KIF13A: variants seen among roughly 807,000 people sequenced by gnomAD.
KIF13A encodes kinesin family member 13A.
A neutral mutation model predicts 212.2 loss-of-function variants in KIF13A; 79 were observed. The observed-to-expected ratio is 0.37, with a 90% confidence interval of 0.31 to 0.45. The LOEUF (loss-of-function observed/expected upper bound fraction) is 0.45, where lower values mean the gene tolerates loss of function less well. KIF13A is among the 20% of genes least tolerant of loss of function. The pLI, the probability that KIF13A is intolerant of heterozygous loss-of-function variation, is 1.00. For missense variants in KIF13A, 1,901 were observed against 2,209.0 expected, an observed-to-expected ratio of 0.86 and a Z score of 2.79; for synonymous variants, 789 against 808.6, an observed-to-expected ratio of 0.98 and a Z score of 0.41.
chr6:17,846,604 T>TAAA (rs11431431), intron 9 of KIF13A, among the ~76,000 whole-genome samples: 196 of 127,006 alleles, frequency 1.5e-3, no homozygotes, highest in African/African-American at 5.1e-3. Flanking sequence ...CCCATTTCTT[T>TAAA]AAAAAAAAAA....
At chr6:17,819,391 T>C (rs1028977143) in intron 16 of KIF13A, among the ~76,000 whole-genome samples, 1 of 151,932 alleles carries the variant, frequency 6.6e-6, no homozygotes, top group Non-Finnish European at 1.5e-5. Context: ...GATGAGACCC[T>C]ATCTCTACTA....
chr6:17,798,791 A>G (rs1014696483), intron 22 of KIF13A, among the ~76,000 whole-genome samples: 2 of 152,216 alleles, frequency 1.3e-5, no homozygotes, highest in Non-Finnish European at 2.9e-5. Flanking sequence ...GAGAAACTCT[A>G]TATGAAACAT....
At chr6:17,831,032 C>G (rs1349481233) in intron 13 of KIF13A, 69 bp downstream of exon 13, 2 of 1,431,108 alleles carry the variant, frequency 1.4e-6, no homozygotes, top group Non-Finnish European at 1.9e-6. Flanking sequence ...CAGAGACAGG[C>G]ACCCAGATTC....
At chr6:17,946,700 A>AC (rs1777429672) in intron 2 of KIF13A, among the ~76,000 whole-genome samples, 1 of 152,256 alleles carries the variant, frequency 6.6e-6, no homozygotes, top group South Asian at 2.1e-4. Flanking sequence ...TTTTACATGC[A>AC]CATAGTAAAG....
chr6:17,974,770 C>A (rs997799086), intron 2 of KIF13A, among the ~76,000 whole-genome samples: 7 of 152,180 alleles, frequency 4.6e-5, no homozygotes, highest in African/African-American at 1.2e-4. Context: ...TTCTGTGGTG[C>A]AGCTAAGGTT....
Position 17,855,393 on chromosome 6 carries a change from T to C in KIF13A, c.494+44A>G. The stretch of plus-strand genomic sequence containing the variant: ...ATTTTAACTTTAGAATCATTTAAAA[T>C]TATCTCCCCCTATTAACACACTTAA... On this transcript the variant is annotated intron_variant, in intron 6 of 38. Coordinates refer to ENST00000259711, the MANE Select transcript of KIF13A (RefSeq NM_022113.6). This position sits in a 1 kb window ranked among gnomAD's most constrained non-coding sequence, Gnocchi z 4.1. The C allele has an allele frequency of 7.1e-7, 1 of 1,402,404 alleles. No homozygotes were observed. The allele number at this position is 1,402,404 out of a possible 1,614,324, so 86.9% of individuals were successfully genotyped here. A position where few individuals can be genotyped will look rare whatever the true frequency, so the allele number is the denominator to read the frequency against.
chr6:17,868,026 GCAGATGTA>G (rs1769586935), intron 4 of KIF13A, among the ~76,000 whole-genome samples: 1 of 152,176 alleles, frequency 6.6e-6, no homozygotes, highest in Non-Finnish European at 1.5e-5. Flanking sequence ...AGAATAAGAG[GCAGATGTA>G]CAACCTTTCT....
chr6:17,858,732 A>G (rs1768402731), intron 4 of KIF13A, among the ~76,000 whole-genome samples: 1 of 152,232 alleles, frequency 6.6e-6, no homozygotes, highest in African/African-American at 2.4e-5. Context: ...AAAGCAATAC[A>G]TTCTTGGCAC....
In KIF13A at chr6:17,897,348, T is replaced by C. The variant is rs933065541; in HGVS notation, c.159+820A>G. Among the ~76,000 whole-genome samples the C allele has an allele frequency of 2.0e-5, 3 of 152,202 alleles. No homozygotes were observed. Among genetic ancestry groups the C allele is most frequent in the Admixed American group, 2.0e-4 (3 of 15,280 alleles). ...CTAATCCTATCTCAAGAACCACAGC[T>C]ATAATCAGTATCACTGGCCAGGGGC... On this transcript the variant is annotated intron_variant, in intron 3 of 38. Transcript: ENST00000259711. This position sits in a 1 kb window ranked among gnomAD's most constrained non-coding sequence, Gnocchi z 4.8.
chr6:17,837,172 T>A lies in KIF13A; in HGVS notation c.943-82A>T. 1 of 1,185,130 alleles carries A rather than the reference T, an allele frequency of 8.4e-7. No homozygotes were observed. Among genetic ancestry groups the A allele is most frequent in the Admixed American group, 1.9e-5 (1 of 53,656 alleles). The allele number at this position is 1,185,130 out of a possible 1,614,324, so 73.4% of individuals were successfully genotyped here. A position where few individuals can be genotyped will look rare whatever the true frequency, so the allele number is the denominator to read the frequency against. ...ATAAAAGCACTAAATGTGTTAGGTA[T>A]GACATTATTCTCTATGAAGGAAACA... On this transcript the variant is annotated intron_variant, in intron 10 of 38. Transcript: ENST00000259711. This position sits in a 1 kb window ranked among gnomAD's most constrained non-coding sequence, Gnocchi z 5.4.
chr6:17,789,765 T>C lies in KIF13A; in HGVS notation c.3261+107A>G. Reference sequence around the variant, plus strand: ...TCAAAAGCAAGTGAAAAACTGCATATTCTCGCTCTAGGGCCCTCCTTCCTC... The same window carrying C: ...TCAAAAGCAAGTGAAAAACTGCATACTCTCGCTCTAGGGCCCTCCTTCCTC... On this transcript the variant is annotated intron_variant, in intron 26 of 38. Coordinates refer to ENST00000259711, the MANE Select transcript of KIF13A (RefSeq NM_022113.6). The surrounding 1 kb of genome is among the most constrained non-coding windows in gnomAD (Gnocchi z 4.8). The C allele has an allele frequency of 1.2e-6, 1 of 802,998 alleles. No homozygotes were observed. Among genetic ancestry groups the C allele is most frequent in the South Asian group, 1.7e-5 (1 of 58,728 alleles). 49.7% of individuals were successfully genotyped at this position (802,998 alleles called of 1,614,324 possible). A position where few individuals can be genotyped will look rare whatever the true frequency, so the allele number is the denominator to read the frequency against.
At position 17,934,056 on chromosome 6, in the gene KIF13A, G is replaced by A. The variant is rs1776242296; in HGVS notation, c.147-35876C>T. ...TATAACTCAATTCAATCTAAATTGTGTCGTTAGGGTCAACTTTTATTTTTT... is the reference window on the plus strand; with the variant it reads ...TATAACTCAATTCAATCTAAATTGTATCGTTAGGGTCAACTTTTATTTTTT... On this transcript the variant is annotated intron_variant, in intron 2 of 38. Coordinates refer to ENST00000259711, the MANE Select transcript of KIF13A (RefSeq NM_022113.6). The surrounding 1 kb of genome is among the most constrained non-coding windows in gnomAD (Gnocchi z 5.4). Among the ~76,000 whole-genome samples, 1 of 152,168 alleles carries A rather than the reference G, an allele frequency of 6.6e-6. No homozygotes were observed. The highest frequency in any genetic ancestry group is 1.5e-5 in the Non-Finnish European group (1 of 68,042).
At chr6:17,781,060 A>AT in intron 30 of KIF13A, 117 bp downstream of exon 30, 2 of 1,429,928 alleles carry the variant, frequency 1.4e-6, no homozygotes, top group Non-Finnish European at 1.9e-6. Flanking sequence ...CAAATGTTCT[A>AT]TTTTTTAAAG....
At chr6:17,807,096 GT>G (rs1161476697) in intron 18 of KIF13A, among the ~76,000 whole-genome samples, 3 of 152,162 alleles carry the variant, frequency 2.0e-5, no homozygotes, top group Non-Finnish European at 2.9e-5. Context: ...TGATAACTGT[GT>G]TAACTATACA....
At chr6:17,929,632 C>T (rs1403459199) in intron 2 of KIF13A, among the ~76,000 whole-genome samples, 1 of 152,126 alleles carries the variant, frequency 6.6e-6, no homozygotes, top group Non-Finnish European at 1.5e-5. Context: ...GACCTCCTGA[C>T]CTCATGATCT....
intron 3 of KIF13A, among the ~76,000 whole-genome samples, chr6:17,884,976 C>T (rs967642885): frequency 1.8e-4 from 27 of 152,190 alleles, no homozygotes; most frequent in African/African-American, 6.5e-4. Context: ...TCACATTTCA[C>T]CACACCATGT....
chr6:17,764,332 G>T lies in KIF13A; in HGVS notation c.5196C>A (p.Asp1732Glu). The stretch of plus-strand genomic sequence containing the variant: ...CTCCCATAAATTCTGTGAAAGAATG[G>T]TCTTCAAGGATGTTGGTGGTGTGTT... Reference protein sequence around the residue: ...TVEHTTNILEDHSFTEFMGVS... With the variant: ...TVEHTTNILEEHSFTEFMGVS... The change falls in exon 39 of 39, where the codon GAC (aspartate) becomes GAA (glutamate). Residue 1732 changes from aspartate to glutamate, a missense_variant. Coordinates refer to ENST00000259711, the MANE Select transcript of KIF13A (RefSeq NM_022113.6). This position sits in a 1 kb window ranked among gnomAD's most constrained non-coding sequence, Gnocchi z 5.1. 1.2e-6 allele frequency: 2 copies of T among 1,614,002 alleles called. No individual in the cohort carries two copies. Among genetic ancestry groups the T allele is most frequent in the Non-Finnish European group, 1.7e-6 (2 of 1,179,896 alleles).
intron 33 of KIF13A, among the ~76,000 whole-genome samples, chr6:17,778,561 T>C (rs1005049886): frequency 1.3e-5 from 2 of 152,074 alleles, no homozygotes; most frequent in African/African-American, 4.8e-5. Flanking sequence ...TGCTTTGGAG[T>C]CAAGCTACTT....
rs533435563 is a variant in KIF13A at position 17,816,071 on chromosome 6, C to A, written c.2000+949G>T. ...TACAGGCGCCTGCCACCATGCGCTG[C>A]TATTTTTTCTTTTTTTTCTGTATTT... is the stretch of plus-strand genomic sequence containing the variant. On this transcript the variant is annotated intron_variant, in intron 17 of 38. Transcript: ENST00000259711. The surrounding 1 kb of genome is among the most constrained non-coding windows in gnomAD (Gnocchi z 4.3). Among the ~76,000 whole-genome samples, 7 of 152,060 alleles carry A rather than the reference C, an allele frequency of 4.6e-5. No homozygotes were observed. In the East Asian group the frequency reaches 1.4e-3, roughly 30 times the overall value.
Sources: allele counts gnomAD v4.1 joint callset (sites outside exome capture counted in the v4.1 genomes callset), GRCh38; gene constraint gnomAD v4.1.1; non-coding constraint Gnocchi (gnomAD v3.1); transcripts MANE v1.5; gene names NCBI Gene and HGNC (gene_info 2026-07-23, HGNC 2026-07-21).